Variants in PLEKHA2 observed in about 807,000 individuals in gnomAD.
PLEKHA2 encodes pleckstrin homology domain containing A2, also known as pleckstrin homology domain-containing family A member 2.
In PLEKHA2, 28 loss-of-function variants were observed where a neutral mutation model predicts 53.2. The ratio of observed to expected loss-of-function variants is 0.53; its 90% CI spans 0.39 to 0.72. The LOEUF (loss-of-function observed/expected upper bound fraction) is 0.72. Ranked by LOEUF, PLEKHA2 falls within the 30% of genes least tolerant of loss-of-function variation. PLEKHA2 has a pLI of 0.00. For synonymous variants in PLEKHA2, 193 were observed against 196.4 expected (o/e 0.98, Z 0.14); for missense variants, 426 against 537.9 (o/e 0.79, Z 2.06).
At chr8:38,925,661 G>A (rs1834273155) in intron 2 of PLEKHA2, among the ~76,000 whole-genome samples, 2 of 152,332 alleles carry the variant, frequency 1.3e-5, no homozygotes, top group Admixed American at 1.3e-4. Flanking sequence ...TAAACTGAAA[G>A]CAGTTCTTTC....
chr8:38,929,204 T>C (rs2129417757), intron 2 of PLEKHA2, among the ~76,000 whole-genome samples: 1 of 152,338 alleles, frequency 6.6e-6, no homozygotes, highest in African/African-American at 2.4e-5. Flanking sequence ...CTCCGTCTCC[T>C]GCTAGCTGCT....
At position 38,950,721 on chromosome 8, in the gene PLEKHA2, G is replaced by C; in HGVS notation, c.346-129G>C. ...TCAGATTTGGACTGTGGAAGGCTTG[G>C]GGAGGACACGCAAGTCTGACTGTAA... On this transcript the variant is annotated intron_variant, in intron 5 of 11. Transcript: ENST00000617275. The C allele has an allele frequency of 2.6e-6, 3 of 1,142,738 alleles. No homozygotes were observed. The South Asian group carries it at 4.8e-5, about 18-fold the overall frequency. 70.8% of individuals were successfully genotyped at this position (1,142,738 alleles called of 1,614,324 possible). A position where few individuals can be genotyped will look rare whatever the true frequency, so the allele number is the denominator to read the frequency against.
At chr8:38,959,025 T>A (rs555993976) in intron 10 of PLEKHA2, among the ~76,000 whole-genome samples, 1 of 152,070 alleles carries the variant, frequency 6.6e-6, no homozygotes, top group Admixed American at 6.6e-5. Context: ...ACCTAATGTA[T>A]GCAAATTGAG....
rs989226220 is a variant in PLEKHA2, at chr8:38,920,530, C to A, written c.141+2460C>A. On this transcript the variant is annotated intron_variant, in intron 2 of 11. Coordinates refer to ENST00000617275, the MANE Select transcript of PLEKHA2 (RefSeq NM_021623.2). ...CCTCAAGTGATCTGCCTGCTTTGGCCTCCCAAAGTGCTGGGATTACAGGCA... is the reference window on the plus strand; with the variant it reads ...CCTCAAGTGATCTGCCTGCTTTGGCATCCCAAAGTGCTGGGATTACAGGCA... Among the ~76,000 whole-genome samples, 182 of 151,696 alleles carry A rather than the reference C, an allele frequency of 1.2e-3. 1 individual carries two copies. The highest frequency in any genetic ancestry group is 7.5e-4 in the Non-Finnish European group (51 of 67,942).
At chr8:38,932,995 G>T (rs1834421939) in intron 2 of PLEKHA2, among the ~76,000 whole-genome samples, 1 of 152,224 alleles carries the variant, frequency 6.6e-6, no homozygotes, top group South Asian at 2.1e-4. Flanking sequence ...CTGCCAGGGA[G>T]GCCAGGACAG....
chr8:38,918,217 GAC>G (rs957954661), intron 2 of PLEKHA2, 147 bp downstream of exon 2: 9 of 1,068,156 alleles, frequency 8.4e-6, no homozygotes, highest in South Asian at 1.6e-5. Flanking sequence ...AACACACACA[GAC>G]ACACACACAA....
In PLEKHA2 at chr8:38,943,757, T is replaced by C. The variant is rs570593208; in HGVS notation, c.199-32T>C. 8.0e-6 allele frequency: 12 copies of C among 1,492,160 alleles called. No homozygotes were observed. The East Asian group carries it at 2.0e-4, about 24-fold the overall frequency. 92.4% of individuals were successfully genotyped at this position (1,492,160 alleles called of 1,614,324 possible). A position where few individuals can be genotyped will look rare whatever the true frequency, so the allele number is the denominator to read the frequency against. ...AATCTTCAACATTGTAAGACACATA[T>C]TCATGTTTCTTTTATTTCTTATTTG... is the stretch of plus-strand genomic sequence containing the variant. On this transcript the variant is annotated intron_variant, in intron 3 of 11. Coordinates refer to ENST00000617275, the MANE Select transcript of PLEKHA2 (RefSeq NM_021623.2).
At chr8:38,912,848 C>G (rs564203210) in intron 1 of PLEKHA2, among the ~76,000 whole-genome samples, 6 of 152,198 alleles carry the variant, frequency 3.9e-5, no homozygotes, top group South Asian at 2.1e-4. Flanking sequence ...TCCTTCCCCC[C>G]ACCTCCCACA....
At chr8:38,942,460 A>C (rs1418773494) in intron 3 of PLEKHA2, among the ~76,000 whole-genome samples, 1 of 152,076 alleles carries the variant, frequency 6.6e-6, no homozygotes, top group Non-Finnish European at 1.5e-5. Context: ...ACCCAAAAAA[A>C]CCCCACAAAC....
At chr8:38,954,001 G>C (rs2129422803) in intron 9 of PLEKHA2, among the ~76,000 whole-genome samples, 1 of 152,316 alleles carries the variant, frequency 6.6e-6, no homozygotes, top group African/African-American at 2.4e-5. Context: ...ACCAAATACA[G>C]ATGCCTATAG....
chr8:38,925,462 T>C (rs1338136243), intron 2 of PLEKHA2, among the ~76,000 whole-genome samples: 1 of 152,190 alleles, frequency 6.6e-6, no homozygotes, highest in Non-Finnish European at 1.5e-5. Flanking sequence ...TGCACTAGAT[T>C]GCTGGTCTTG....
Position 38,950,850 on chromosome 8 carries a change from G to A in PLEKHA2, c.346G>A (p.Val116Ile). 1.2e-6 allele frequency: 2 copies of A among 1,612,648 alleles called. No homozygotes were observed. Among genetic ancestry groups the A allele is most frequent in the Non-Finnish European group, 8.5e-7 (1 of 1,178,998 alleles). ...TGATTGTTGCTGCCGCTCACCCCAG[G>A]TTCCCAAAGGTGGGGGCCTACCCAT... ...EALNQASKIT[V>I]PKGGGLPMTT... Residue 116 changes from valine (V) to isoleucine (I), a missense_variant and splice_region_variant, in exon 6 of 12, where the codon GTT becomes ATT. By Grantham distance (29) the Val-to-Ile change is conservative. Transcript: ENST00000617275.
At chr8:38,906,175 A>G (rs914635635) in intron 1 of PLEKHA2, among the ~76,000 whole-genome samples, 2 of 152,234 alleles carry the variant, frequency 1.3e-5, no homozygotes, top group Non-Finnish European at 1.5e-5. Flanking sequence ...CAGCTTTTAT[A>G]GGCTGTAAAG....
intron 4 of PLEKHA2, 30 bp from the exon 5 acceptor site, chr8:38,946,094 G>A: frequency 1.9e-6 from 3 of 1,543,768 alleles, no homozygotes; most frequent in Non-Finnish European, 2.7e-6. Context: ...ACCTAGGAAT[G>A]TCTTCCCTTC....
intron 2 of PLEKHA2, among the ~76,000 whole-genome samples, chr8:38,930,056 C>T (rs993531782): frequency 1.3e-5 from 2 of 152,168 alleles, no homozygotes; most frequent in African/African-American, 4.8e-5. Flanking sequence ...TCAGCTGCTT[C>T]CTTGGTGACG....
Position 38,969,614 on chromosome 8 carries a change from C to G in PLEKHA2, c.1109C>G (p.Pro370Arg). ...CAGGCTGGGGAGAAGCTGCTTCCAC[C>G]TGGAGACACTTCAGAGGACTCCTTG... is the stretch of plus-strand genomic sequence containing the variant. ...VPQAGEKLLP[P>R]GDTSEDSLFT... The change falls in exon 12 of 12, where the codon CCT (proline) becomes CGT (arginine). Residue 370 changes from proline to arginine, a missense_variant. Transcript: ENST00000617275. The G allele has an allele frequency of 6.2e-7, 1 of 1,606,412 alleles. No homozygotes were observed. The highest frequency in any genetic ancestry group is 1.7e-5 in the Admixed American group (1 of 58,694).
intron 1 of PLEKHA2, among the ~76,000 whole-genome samples, chr8:38,906,291 T>G (rs887512267): frequency 6.6e-6 from 1 of 152,224 alleles, no homozygotes; most frequent in Non-Finnish European, 1.5e-5. Flanking sequence ...AACAACCACA[T>G]TTTCTTTGAA....
At position 38,937,192 on chromosome 8, in the gene PLEKHA2, C is replaced by T. The variant is rs1204349499; in HGVS notation, c.198+1142C>T. Among the ~76,000 whole-genome samples, 12 of 152,292 alleles carry T rather than the reference C, an allele frequency of 7.9e-5. No individual in the cohort carries two copies. The East Asian group carries it at 1.9e-3, about 25-fold the overall frequency. On this transcript the variant is annotated intron_variant, in intron 3 of 11. Transcript: ENST00000617275. ...CACAAGATGCAGGGCAGCGTCAGGGCGGATTAAAGAGGGAGAGAATGACCT... is the reference window on the plus strand; with the variant it reads ...CACAAGATGCAGGGCAGCGTCAGGGTGGATTAAAGAGGGAGAGAATGACCT...
intron 5 of PLEKHA2, 74 bp downstream of exon 5, chr8:38,946,295 G>A: frequency 7.5e-7 from 1 of 1,330,140 alleles, no homozygotes; most frequent in South Asian, 1.3e-5. Flanking sequence ...GTTGGGGTTG[G>A]GGAAAACTGA....
Sources: allele counts gnomAD v4.1 joint callset (sites outside exome capture counted in the v4.1 genomes callset), GRCh38; gene constraint gnomAD v4.1.1; transcripts MANE v1.5; gene names NCBI Gene and HGNC (gene_info 2026-07-23, HGNC 2026-07-21).